The following SKOR2 variants were observed in gnomAD, a reference collection of about 807,000 sequenced individuals.
The protein encoded by SKOR2 is SKI family transcriptional corepressor 2.
In SKOR2, 47 loss-of-function variants were observed where a neutral mutation model predicts 69.1. The ratio of observed to expected loss-of-function variants is 0.68; its 90% CI spans 0.54 to 0.87. SKOR2 has a LOEUF of 0.87. SKOR2 is among the 40% of genes least tolerant of loss of function. SKOR2 has a pLI of 0.00. For missense variants in SKOR2, 1,404 were observed against 1,472.2 expected (o/e 0.95, Z 0.76); for synonymous variants, 717 against 672.6 (o/e 1.07, Z -1.02).
chr18:47,214,125 G>T (rs2064136501), intron 7 of SKOR2, among the ~76,000 whole-genome samples: 1 of 152,156 alleles, frequency 6.6e-6, no homozygotes, highest in Non-Finnish European at 1.5e-5. Flanking sequence ...TTCTATGGCA[G>T]CCACCAGGAG....
intron 7 of SKOR2, among the ~76,000 whole-genome samples, chr18:47,215,776 C>T (rs561419973): frequency 7.2e-5 from 11 of 152,256 alleles, no homozygotes; most frequent in African/African-American, 2.6e-4. Flanking sequence ...CATCAACACG[C>T]CTTGTGGTAG....
chr18:47,236,412 T>C (rs1568088104), intron 4 of SKOR2, among the ~76,000 whole-genome samples: 1 of 152,218 alleles, frequency 6.6e-6, no homozygotes, highest in African/African-American at 2.4e-5. Context: ...AAAATCAGAA[T>C]GCCATCCAAG....
In SKOR2 at chr18:47,247,849, C is replaced by G; in HGVS notation, c.1335G>C (p.Ala445=). 1.2e-5 allele frequency: 16 copies of G among 1,361,392 alleles called. No homozygotes were observed. The highest frequency in any genetic ancestry group is 1.5e-5 in the Non-Finnish European group (16 of 1,067,376). 84.3% of individuals were successfully genotyped at this position (1,361,392 alleles called of 1,614,324 possible). Residue 445 remains alanine, a synonymous_variant, in exon 2 of 9, where the codon GCG becomes GCC. Coordinates refer to ENST00000425639, the MANE Select transcript of SKOR2 (RefSeq NM_001278063.4). This position sits in a 1 kb window ranked among gnomAD's most constrained non-coding sequence, Gnocchi z 6.6. ...AGAGGCCGGACAAGCCGGCCTTGGG[C>G]GCCGCGCCCGCGCCGCCTGCGCCCG... ...GGAGAGGAGA[A]PKAGLSGLFW...
At chr18:47,207,226 G>A (rs767916100) in intron 8 of SKOR2, among the ~76,000 whole-genome samples, 18 of 152,242 alleles carry the variant, frequency 1.2e-4, no homozygotes, top group Admixed American at 1.3e-4. Flanking sequence ...CCCAAGTTAC[G>A]TTTATTTTTC....
intron 4 of SKOR2, among the ~76,000 whole-genome samples, chr18:47,236,330 A>T (rs2064223502): frequency 6.6e-6 from 1 of 152,170 alleles, no homozygotes; most frequent in Admixed American, 6.5e-5. Context: ...TATTTTTCAC[A>T]TCTGCTGCCT....
chr18:47,230,839 A>G (rs1256147766), intron 5 of SKOR2, 96 bp downstream of exon 5: 2 of 1,246,360 alleles, frequency 1.6e-6, no homozygotes, highest in Non-Finnish European at 2.2e-6. Flanking sequence ...TTGCTTGTCA[A>G]GCTAAAAATA....
chr18:47,215,897 T>C (rs1166285431), intron 7 of SKOR2, among the ~76,000 whole-genome samples: 1 of 152,202 alleles, frequency 6.6e-6, no homozygotes, highest in Non-Finnish European at 1.5e-5. Flanking sequence ...TAAAAAAGCA[T>C]GTCTTCAACA....
intron 7 of SKOR2, among the ~76,000 whole-genome samples, chr18:47,218,668 C>T (rs187696874): frequency 2.0e-5 from 3 of 151,018 alleles, no homozygotes; most frequent in African/African-American, 7.3e-5. Flanking sequence ...TATTCCCCTA[C>T]ATCGAATCTT....
intron 4 of SKOR2, among the ~76,000 whole-genome samples, chr18:47,237,703 T>G (rs1274752131): frequency 6.7e-6 from 1 of 150,298 alleles, no homozygotes; most frequent in African/African-American, 2.4e-5. Flanking sequence ...CTTTTTCTTT[T>G]TTTTTTTTTT....
chr18:47,229,370 C>G (rs2064189194), intron 6 of SKOR2, among the ~76,000 whole-genome samples: 3 of 152,012 alleles, frequency 2.0e-5, no homozygotes, highest in Admixed American at 2.0e-4. Context: ...AATAAGTTTG[C>G]AGGCCAGGCA....
chr18:47,214,129 C>T (rs2064136511), intron 7 of SKOR2, among the ~76,000 whole-genome samples: 1 of 152,154 alleles, frequency 6.6e-6, no homozygotes, highest in Admixed American at 6.5e-5. Context: ...ATGGCAGCCA[C>T]CAGGAGAGAT....
chr18:47,213,290 A>G (rs1297134253), intron 7 of SKOR2, among the ~76,000 whole-genome samples: 1 of 151,260 alleles, frequency 6.6e-6, no homozygotes, highest in African/African-American at 2.4e-5. Context: ...TCTAGAATGT[A>G]ATGTGAAATA....
intron 7 of SKOR2, among the ~76,000 whole-genome samples, chr18:47,213,407 T>TTA (rs879764245): frequency 6.8e-4 from 100 of 147,454 alleles, no homozygotes; most frequent in African/African-American, 1.8e-3. Context: ...CATATAAATA[T>TTA]TATATATATA....
intron 6 of SKOR2, among the ~76,000 whole-genome samples, chr18:47,225,386 C>G (rs2064175128): frequency 6.6e-6 from 1 of 152,162 alleles, no homozygotes; most frequent in Non-Finnish European, 1.5e-5. Flanking sequence ...CACCTTTATA[C>G]AAGTCTTCAG....
At chr18:47,241,915 G>C (rs2064250525) in intron 4 of SKOR2, among the ~76,000 whole-genome samples, 1 of 152,108 alleles carries the variant, frequency 6.6e-6, no homozygotes, top group Admixed American at 6.6e-5. Flanking sequence ...GTGAGGTAGG[G>C]ACTAGCAATA....
rs751349792 is a variant in SKOR2, at chr18:47,219,971, C to T, written c.2957G>A (p.Arg986Gln). Reference sequence around the variant, plus strand: ...TTGTAACTGTTGCACCATTTCTTCTCGGTAGGCTAGCTCCCTTTTCATCTG... The same window carrying T: ...TTGTAACTGTTGCACCATTTCTTCTTGGTAGGCTAGCTCCCTTTTCATCTG... ...QDQMKRELAY[R>Q]EEMVQQLQII... Residue 986 changes from arginine (R) to glutamine (Q), a missense_variant, in exon 7 of 9, where the codon CGA becomes CAA. Arg to Gln is a conservative substitution (Grantham distance 43). Coordinates refer to ENST00000425639, the MANE Select transcript of SKOR2 (RefSeq NM_001278063.4). The T allele has an allele frequency of 1.0e-4, 161 of 1,535,898 alleles. No individual in the cohort carries two copies. The highest frequency in any genetic ancestry group is 1.3e-4 in the Non-Finnish European group (147 of 1,146,926).
intron 4 of SKOR2, among the ~76,000 whole-genome samples, chr18:47,238,697 T>A (rs1056382266): frequency 5.9e-5 from 9 of 152,198 alleles, no homozygotes; most frequent in Non-Finnish European, 1.2e-4. Flanking sequence ...AACATCTGGA[T>A]GAAGAAAGGT....
chr18:47,215,775 G>A (rs983371471), intron 7 of SKOR2, among the ~76,000 whole-genome samples: 12 of 152,114 alleles, frequency 7.9e-5, no homozygotes, highest in Non-Finnish European at 1.3e-4. Flanking sequence ...CCATCAACAC[G>A]CCTTGTGGTA....
At chr18:47,235,780 C>CAAAAAAAAAAA (rs11433396) in intron 4 of SKOR2, among the ~76,000 whole-genome samples, 37 of 59,212 alleles carry the variant, frequency 6.2e-4, no homozygotes, top group Non-Finnish European at 7.3e-4. Flanking sequence ...CACAAACAAG[C>CAAAAAAAAAAA]AAAAAAAAAA....
Sources: gnomAD v4.1 joint callset for allele counts (sites outside exome capture counted in the v4.1 genomes callset) on GRCh38, gnomAD v4.1.1 for gene constraint, Gnocchi (gnomAD v3.1) non-coding constraint, MANE v1.5 for transcripts, NCBI Gene and HGNC (gene_info 2026-07-23, HGNC 2026-07-21) for gene names.